The following POMT2 variants were observed in gnomAD, a reference collection of about 807,000 sequenced individuals.
POMT2 encodes the protein protein O-mannosyl-transferase 2.
POMT2 carries 75 observed loss-of-function variants against 100.0 expected under a neutral mutation model. The observed-to-expected ratio is 0.75, with a 90% CI of 0.62 to 0.91. The LOEUF is 0.91. Among genes scored for constraint, POMT2 ranks in the 40% least tolerant of loss-of-function variants. POMT2 has a pLI of 0.00. For missense variants in POMT2, 940 were observed against 955.1 expected (o/e 0.98, Z 0.21); for synonymous variants, 378 against 374.1 (o/e 1.01, Z -0.12).
chr14:77,299,102 C>T (rs1231422737), intron 7 of POMT2, among the ~76,000 whole-genome samples: 2 of 152,210 alleles, frequency 1.3e-5, no homozygotes, highest in African/African-American at 4.8e-5. Context: ...TTCTCAGTAG[C>T]TACTCATTAA....
At chr14:77,299,781 A>G in intron 6 of POMT2, 1 of 503,308 alleles carries the variant, frequency 2.0e-6, no homozygotes. Flanking sequence ...CTACCTCTCC[A>G]GGCTCTACAC....
In POMT2 at chr14:77,304,682, G is replaced by T; in HGVS notation, c.547+10C>A. On this transcript the variant is annotated intron_variant, in intron 4 of 20. Transcript: ENST00000261534. ...TTCCCAAAAGCCATGGTATGGCTAA[G>T]ACAACTTACCAAAGGTGAGGAGGGC... The T allele has an allele frequency of 6.4e-7, 1 of 1,574,376 alleles. No homozygotes were observed. The highest frequency in any genetic ancestry group is 1.2e-5 in the South Asian group (1 of 85,516).
intron 5 of POMT2, 46 bp from the exon 6 acceptor site, chr14:77,301,295 G>C (rs1891031625): frequency 6.2e-7 from 1 of 1,610,244 alleles, no homozygotes; most frequent in Non-Finnish European, 8.5e-7. Context: ...TGGAACCAAA[G>C]CCAAACGCAA....
intron 15 of POMT2, among the ~76,000 whole-genome samples, chr14:77,282,408 C>T (rs769382490): frequency 7.9e-5 from 12 of 152,174 alleles, no homozygotes; most frequent in Admixed American, 3.3e-4. Flanking sequence ...AGAGCCCTGC[C>T]CCTGCAGTTT....
At chr14:77,300,856 C>CA (rs1292889859) in intron 6 of POMT2, 2 of 558,118 alleles carry the variant, frequency 3.6e-6, no homozygotes, top group Non-Finnish European at 6.1e-6. Flanking sequence ...AAAACAAATG[C>CA]AAAAAGAGAC....
chr14:77,314,201 C>G (rs927218014), intron 1 of POMT2, among the ~76,000 whole-genome samples: 6 of 152,192 alleles, frequency 3.9e-5, no homozygotes, highest in Non-Finnish European at 7.3e-5. Context: ...GTGTCTCCCT[C>G]TGAGACAGAG....
rs570851802 is a variant in POMT2 at position 77,298,776 on chromosome 14, G to C, written c.924-5C>G. ...AAGAAACCGTCACCAGGGCCACTGT[G>C]GGGAGAGGAAGAGCAGAAGAGAGTC... On this transcript the variant is annotated splice_region_variant and splice_polypyrimidine_tract_variant and intron_variant, in intron 7 of 20. Transcript: ENST00000261534. The C allele has an allele frequency of 5.0e-6, 8 of 1,611,504 alleles. No individual in the cohort carries two copies. The South Asian group carries it at 7.7e-5, about 16-fold the overall frequency.
Position 77,288,376 on chromosome 14 carries a change from A to G in POMT2, c.1253+386T>C, listed in dbSNP as rs551009964. ...GTCTTTCTAAAGGCAGCCACTTAAG[A>G]AGAAGCTTTGGGAGCTGGGTGTGAT... On this transcript the variant is annotated intron_variant, in intron 11 of 20. Coordinates refer to ENST00000261534, the MANE Select transcript of POMT2 (RefSeq NM_013382.7). 7.2e-5 allele frequency among the ~76,000 whole-genome samples: 11 copies of G among 152,332 alleles called. No individual in the cohort carries two copies. In the South Asian group the frequency reaches 2.3e-3, roughly 32 times the overall value.
intron 1 of POMT2, 131 bp downstream of exon 1, chr14:77,320,303 G>C (rs943036468): frequency 1.3e-6 from 2 of 1,481,526 alleles, no homozygotes; most frequent in Non-Finnish European, 9.1e-7. Flanking sequence ...CAACCCACCC[G>C]ATACCTCAAG....
At chr14:77,301,596 C>A (rs1018839566) in intron 5 of POMT2, among the ~76,000 whole-genome samples, 1 of 152,224 alleles carries the variant, frequency 6.6e-6, no homozygotes, top group African/African-American at 2.4e-5. Context: ...TGGACTCAGG[C>A]AGCCCTCTCC....
intron 9 of POMT2, 117 bp downstream of exon 9, chr14:77,296,047 G>T: frequency 1.2e-6 from 1 of 855,982 alleles, no homozygotes; most frequent in Non-Finnish European, 1.9e-6. Flanking sequence ...AGGGTGCAGG[G>T]CTAGGAAGAA....
rs1890381914 is a variant in POMT2, at chr14:77,285,319, T to C, written c.1484+162A>G. On this transcript the variant is annotated intron_variant, in intron 13 of 20. Transcript: ENST00000261534. ...AAACACCGAAGCTCCCCCGGAGTTC[T>C]GTGCTCCATAATACACCTGATATCT... 5 of 969,808 alleles carry C rather than the reference T, an allele frequency of 5.2e-6. No homozygotes were observed. In the East Asian group the frequency reaches 1.3e-4, roughly 25 times the overall value. The allele number at this position is 969,808 out of a possible 1,614,324, so 60.1% of individuals were successfully genotyped here. A position where few individuals can be genotyped will look rare whatever the true frequency, so the allele number is the denominator to read the frequency against.
chr14:77,313,308 C>G (rs1349674980), intron 1 of POMT2, among the ~76,000 whole-genome samples: 3 of 152,218 alleles, frequency 2.0e-5, no homozygotes, highest in Admixed American at 6.5e-5. Flanking sequence ...ATTTCAGCAT[C>G]TGCTAAACAC....
At chr14:77,289,541 C>G (rs866808112) in intron 10 of POMT2, among the ~76,000 whole-genome samples, 1 of 152,120 alleles carries the variant, frequency 6.6e-6, no homozygotes, top group Admixed American at 6.5e-5. Flanking sequence ...GGCCTTTACC[C>G]GATGAGGCAC....
rs1890626885 is a variant in POMT2, at chr14:77,291,196, G to T, written c.1183+118C>A. 6 of 896,356 alleles carry T rather than the reference G, an allele frequency of 6.7e-6. No individual in the cohort carries two copies. The Admixed American group carries it at 1.2e-4, about 18-fold the overall frequency. The allele number at this position is 896,356 out of a possible 1,614,324, so 55.5% of individuals were successfully genotyped here. On this transcript the variant is annotated intron_variant, in intron 10 of 20. Coordinates refer to ENST00000261534, the MANE Select transcript of POMT2 (RefSeq NM_013382.7). ...GAAAGGATAATTGAGATAAGTAAAG[G>T]TGTCAAAGATGCTCAGCAAAGCCCA...
Position 77,280,373 on chromosome 14 carries a change from C to T in POMT2, c.1725+19G>A, listed in dbSNP as rs1240205405. 6.2e-7 allele frequency: 1 copy of T among 1,613,932 alleles called. No individual in the cohort carries two copies. Among genetic ancestry groups the T allele is most frequent in the Non-Finnish European group, 8.5e-7 (1 of 1,179,986 alleles). ...TCTTGGCTCCATTTCCTGGGAGGAG[C>T]CCCAGCCTTGGATCCTACCTGATAG... is the stretch of plus-strand genomic sequence containing the variant. On this transcript the variant is annotated intron_variant, in intron 16 of 20. Transcript: ENST00000261534.
intron 11 of POMT2, among the ~76,000 whole-genome samples, chr14:77,287,998 G>A (rs950486904): frequency 6.6e-6 from 1 of 152,180 alleles, no homozygotes; most frequent in Non-Finnish European, 1.5e-5. Flanking sequence ...GGGCATAAGT[G>A]GATAGGGCAG....
chr14:77,316,565 C>CT (rs1422917560), intron 1 of POMT2, among the ~76,000 whole-genome samples: 2 of 100,952 alleles, frequency 2.0e-5, no homozygotes, highest in African/African-American at 4.5e-5. Flanking sequence ...GATCTCATCT[C>CT]TAAAAAAAAA....
At chr14:77,284,869 T>C (rs1178154431) in intron 14 of POMT2, 81 bp downstream of exon 14, 2 of 1,286,736 alleles carry the variant, frequency 1.6e-6, no homozygotes, top group African/African-American at 1.5e-5. Context: ...TAGCACAGTT[T>C]ACAAACGCTT....
Sources: gnomAD v4.1 joint callset for allele counts (sites outside exome capture counted in the v4.1 genomes callset) on GRCh38, gnomAD v4.1.1 for gene constraint, MANE v1.5 for transcripts, NCBI Gene and HGNC (gene_info 2026-07-23, HGNC 2026-07-21) for gene names.